The following PLCL2 variants were observed in gnomAD, a reference collection of about 807,000 sequenced individuals.
The protein encoded by PLCL2 is inactive phospholipase C-like protein 2.
A neutral mutation model predicts 79.6 loss-of-function variants in PLCL2; 4 were observed. The observed-to-expected ratio is 0.05, with a 90% CI of 0.02 to 0.11. The LOEUF is 0.11. Among genes scored for constraint, PLCL2 ranks in the 10% least tolerant of loss-of-function variants. PLCL2 has a pLI of 1.00. For missense variants in PLCL2, 895 were observed against 1,291.0 expected, an observed-to-expected ratio of 0.69 and a Z score of 4.70; for synonymous variants, 484 against 457.7, an observed-to-expected ratio of 1.06 and a Z score of -0.73.
intron 4 of PLCL2, among the ~76,000 whole-genome samples, chr3:17,066,676 T>C (rs1016118570): frequency 6.6e-6 from 1 of 152,198 alleles, no homozygotes; most frequent in Non-Finnish European, 1.5e-5. Flanking sequence ...CATCTACACA[T>C]TGGAGTCTCT....
At chr3:16,970,726 G>A (rs1195502962) in intron 1 of PLCL2, among the ~76,000 whole-genome samples, 1 of 144,038 alleles carries the variant, frequency 6.9e-6, no homozygotes, top group African/African-American at 2.6e-5. Context: ...AGCACCTGTT[G>A]TTTCCTGACT....
intron 1 of PLCL2, among the ~76,000 whole-genome samples, chr3:16,892,589 T>A (rs1353834302): frequency 2.0e-5 from 3 of 152,180 alleles, no homozygotes; most frequent in Non-Finnish European, 4.4e-5. Flanking sequence ...AAATTAATAA[T>A]TAAAAATAAA....
chr3:16,961,832 A>G (rs963702723), intron 1 of PLCL2, among the ~76,000 whole-genome samples: 3 of 152,210 alleles, frequency 2.0e-5, no homozygotes, highest in Admixed American at 6.5e-5. Context: ...TGACCTTCCC[A>G]GGACCCAAGG....
At chr3:16,918,035 A>AAT (rs750810289) in intron 1 of PLCL2, among the ~76,000 whole-genome samples, 12 of 152,198 alleles carry the variant, frequency 7.9e-5, no homozygotes, top group Non-Finnish European at 1.3e-4. Context: ...TGAGTACGTG[A>AAT]ATATCCCCCT....
At chr3:16,885,724 C>G (rs1300729477) in intron 1 of PLCL2, among the ~76,000 whole-genome samples, 2 of 152,208 alleles carry the variant, frequency 1.3e-5, no homozygotes, top group African/African-American at 2.4e-5. Flanking sequence ...ATCTTAAACA[C>G]AGATAGGGAT....
chr3:17,054,125 C>T (rs570371042), intron 4 of PLCL2, among the ~76,000 whole-genome samples: 2 of 152,234 alleles, frequency 1.3e-5, no homozygotes, highest in South Asian at 4.2e-4. Flanking sequence ...ACATCTTGAA[C>T]ACTTTGCTGC....
At chr3:17,028,650 T>C (rs1023600183) in intron 3 of PLCL2, among the ~76,000 whole-genome samples, 2 of 151,944 alleles carry the variant, frequency 1.3e-5, no homozygotes, top group Non-Finnish European at 2.9e-5. Context: ...CTCATTTTGT[T>C]GTTTTGTTTT....
In PLCL2 at chr3:16,886,074, A is replaced by G. The variant is rs1696214594; in HGVS notation, c.327+708A>G. On this transcript the variant is annotated intron_variant, in intron 1 of 5. Transcript: ENST00000615277. This position sits in a 1 kb window ranked among gnomAD's most constrained non-coding sequence, Gnocchi z 4.2. The stretch of plus-strand genomic sequence containing the variant: ...TGCTTGGTTTTGCTTGCACAGTGTT[A>G]GCGGAAGAAAGCCAGCGATTGTTTT... Among the ~76,000 whole-genome samples, 1 of 152,226 alleles carries G rather than the reference A, an allele frequency of 6.6e-6. No homozygotes were observed. The highest frequency in any genetic ancestry group is 2.1e-4 in the South Asian group (1 of 4,832).
At chr3:17,024,666 T>A (rs2064495292) in intron 3 of PLCL2, among the ~76,000 whole-genome samples, 1 of 152,192 alleles carries the variant, frequency 6.6e-6, no homozygotes, top group Non-Finnish European at 1.5e-5. Context: ...TATGTCTTTA[T>A]GCAGTTTGTG....
rs568869086 is a variant in PLCL2, at chr3:16,903,063, T to A, written c.327+17697T>A. Among the ~76,000 whole-genome samples the A allele has an allele frequency of 2.9e-4, 44 of 152,184 alleles. 1 individual carries two copies. The highest frequency in any genetic ancestry group is 2.5e-3 in the Admixed American group (38 of 15,286). On this transcript the variant is annotated intron_variant, in intron 1 of 5. Coordinates refer to ENST00000615277, the MANE Select transcript of PLCL2 (RefSeq NM_001144382.2). The stretch of plus-strand genomic sequence containing the variant: ...AAGCATTTGTTTTTCGTAGGAAAGG[T>A]CTTATAAGTTAGGAATTGGGCATAT...
At chr3:16,885,773 C>T (rs1337061744) in intron 1 of PLCL2, among the ~76,000 whole-genome samples, 1 of 152,156 alleles carries the variant, frequency 6.6e-6, no homozygotes, top group African/African-American at 2.4e-5. Context: ...AAATCCCAGG[C>T]GGCGAACAGA....
At chr3:16,892,890 A>G (rs2124915479) in intron 1 of PLCL2, among the ~76,000 whole-genome samples, 1 of 152,334 alleles carries the variant, frequency 6.6e-6, no homozygotes, top group Non-Finnish European at 1.5e-5. Flanking sequence ...CATTCTGACC[A>G]GGTTTGACTG....
chr3:16,918,095 T>C (rs1223135672), intron 1 of PLCL2, among the ~76,000 whole-genome samples: 1 of 152,166 alleles, frequency 6.6e-6, no homozygotes, highest in Non-Finnish European at 1.5e-5. Flanking sequence ...CATGACTGAA[T>C]CAAAGGAGCA....
At chr3:16,917,361 C>A (rs563395996) in intron 1 of PLCL2, among the ~76,000 whole-genome samples, 62 of 152,252 alleles carry the variant, frequency 4.1e-4, no homozygotes, top group African/African-American at 1.5e-3. Flanking sequence ...ATATAACAAA[C>A]CACCTCAAAC....
At chr3:16,947,555 G>A (rs1313840262) in intron 1 of PLCL2, among the ~76,000 whole-genome samples, 2 of 152,118 alleles carry the variant, frequency 1.3e-5, no homozygotes, top group Non-Finnish European at 2.9e-5. Flanking sequence ...CACATCCATG[G>A]GGTGGAAGTG....
At chr3:16,966,134 G>A (rs927047416) in intron 1 of PLCL2, among the ~76,000 whole-genome samples, 9 of 150,818 alleles carry the variant, frequency 6.0e-5, no homozygotes, top group African/African-American at 2.2e-4. Context: ...TGCCCATTCA[G>A]TATGATATTG....
intron 1 of PLCL2, among the ~76,000 whole-genome samples, chr3:16,980,871 C>T (rs974080234): frequency 2.0e-4 from 30 of 152,328 alleles, no homozygotes; most frequent in South Asian, 1.2e-3. Flanking sequence ...AACGAGACTC[C>T]GTCTGCAATC....
chr3:16,954,147 G>A (rs148206281), intron 1 of PLCL2, among the ~76,000 whole-genome samples: 3,177 of 152,124 alleles, frequency 0.021, 54 homozygotes, highest in South Asian at 0.043. Context: ...TTTAACATTA[G>A]GTATATCTCC....
intron 1 of PLCL2, among the ~76,000 whole-genome samples, chr3:16,968,231 A>G (rs1165045001): frequency 2.0e-5 from 3 of 151,988 alleles, no homozygotes; most frequent in Non-Finnish European, 4.4e-5. Context: ...CTTAGGTTCA[A>G]CAGTCACCTT....
Sources: gnomAD v4.1 joint callset for allele counts (sites outside exome capture counted in the v4.1 genomes callset) on GRCh38, gnomAD v4.1.1 for gene constraint, Gnocchi (gnomAD v3.1) non-coding constraint, MANE v1.5 for transcripts, NCBI Gene and HGNC (gene_info 2026-07-23, HGNC 2026-07-21) for gene names.